Variants in CNTLN observed in about 807,000 individuals in gnomAD.
CNTLN encodes centlein, centrosomal protein.
Under a neutral mutation model 180.0 loss-of-function variants are expected in CNTLN, and 212 were observed. That is an observed-to-expected ratio of 1.18 (90% CI 1.05 to 1.32). The LOEUF is 1.32. CNTLN is among the 40% of genes most tolerant of loss of function. The probability of loss-of-function intolerance (pLI) is 0.00; values close to 1 mark genes in which losing one functional copy is unlikely to be tolerated. For synonymous variants in CNTLN, 722 were observed against 563.1 expected (o/e 1.28, Z -3.99); for missense variants, 2,095 against 1,610.9 (o/e 1.30, Z -5.14).
chr9:17,431,427 G>T (rs1203127433), intron 18 of CNTLN, among the ~76,000 whole-genome samples: 1 of 151,810 alleles, frequency 6.6e-6, no homozygotes, highest in South Asian at 2.1e-4. Flanking sequence ...TGAGTTCTTT[G>T]TATATTATTG....
intron 23 of CNTLN, among the ~76,000 whole-genome samples, chr9:17,481,809 C>A (rs1035544604): frequency 3.9e-5 from 6 of 152,192 alleles, no homozygotes; most frequent in Non-Finnish European, 5.9e-5. Flanking sequence ...CAGAGCCCAA[C>A]CAGTGGCCCC....
At chr9:17,381,613 G>A (rs935077708) in intron 13 of CNTLN, among the ~76,000 whole-genome samples, 4 of 152,148 alleles carry the variant, frequency 2.6e-5, no homozygotes, top group African/African-American at 9.7e-5. Context: ...TATCATAGCA[G>A]CACCCCACTT....
intron 6 of CNTLN, among the ~76,000 whole-genome samples, chr9:17,288,387 T>C (rs1185340782): frequency 3.7e-5 from 5 of 135,460 alleles, no homozygotes; most frequent in Admixed American, 7.4e-5. Flanking sequence ...TTGTTATAAT[T>C]TCTGTTCTTT....
At chr9:17,517,494 A>T in the CNTLN span, among the ~76,000 whole-genome samples, 1 of 152,188 alleles carries the variant, frequency 6.6e-6, no homozygotes, top group African/African-American at 2.4e-5. Flanking sequence ...AAAAGACTGG[A>T]TTAGCATGAG....
chr9:17,440,688 A>G (rs1830059202), intron 18 of CNTLN, among the ~76,000 whole-genome samples: 1 of 152,196 alleles, frequency 6.6e-6, no homozygotes, highest in Non-Finnish European at 1.5e-5. Flanking sequence ...GAAACAACCT[A>G]TGGGTCCATC....
intron 2 of CNTLN, among the ~76,000 whole-genome samples, chr9:17,173,417 C>A (rs1317117613): frequency 6.6e-6 from 1 of 151,918 alleles, no homozygotes. Flanking sequence ...TACCCTGATG[C>A]GTCTTATTTT....
chr9:17,357,753 T>C (rs1822969553), intron 12 of CNTLN, among the ~76,000 whole-genome samples: 1 of 151,440 alleles, frequency 6.6e-6, no homozygotes, highest in African/African-American at 2.4e-5. Flanking sequence ...CACGAACTCA[T>C]TCTATTTGAT....
chr9:17,356,205 G>T (rs1671435671), intron 12 of CNTLN, among the ~76,000 whole-genome samples: 1 of 152,114 alleles, frequency 6.6e-6, no homozygotes, highest in African/African-American at 2.4e-5. Flanking sequence ...ATCAGGATCT[G>T]TTTTAAAGAA....
chr9:17,188,011 CATATAT>C (rs10556334), intron 2 of CNTLN, among the ~76,000 whole-genome samples: 32,461 of 145,672 alleles, frequency 0.22, 4,283 homozygotes, highest in African/African-American at 0.37. Flanking sequence ...ATATATACAC[CATATAT>C]ATATATATAT....
chr9:17,202,315 T>C (rs1237130683), intron 2 of CNTLN, among the ~76,000 whole-genome samples: 2 of 152,136 alleles, frequency 1.3e-5, no homozygotes, highest in African/African-American at 4.8e-5. Flanking sequence ...ATTCTGTTGA[T>C]TTGGGGTGGA....
chr9:17,235,018 C>T (rs1408274576), intron 3 of CNTLN, among the ~76,000 whole-genome samples: 1 of 152,072 alleles, frequency 6.6e-6, no homozygotes, highest in Admixed American at 6.6e-5. Flanking sequence ...GATCAGCAGC[C>T]AAGAGAGGTG....
At chr9:17,399,433 CCTGT>C (rs1826795211) in intron 15 of CNTLN, among the ~76,000 whole-genome samples, 1 of 152,126 alleles carries the variant, frequency 6.6e-6, no homozygotes, top group Non-Finnish European at 1.5e-5. Flanking sequence ...ATGTATTTAG[CCTGT>C]CTGACTTCAT....
chr9:17,439,050 G>A (rs1373278437), intron 18 of CNTLN, among the ~76,000 whole-genome samples: 1 of 152,120 alleles, frequency 6.6e-6, no homozygotes, highest in Non-Finnish European at 1.5e-5. Context: ...TGAGGAATGG[G>A]AACAGAAAGA....
At chr9:17,513,517 G>A in the CNTLN span, among the ~76,000 whole-genome samples, 3 of 152,018 alleles carry the variant, frequency 2.0e-5, no homozygotes, top group African/African-American at 7.2e-5. Context: ...GCAAAATGGC[G>A]AAACCCCTTC....
intron 18 of CNTLN, among the ~76,000 whole-genome samples, chr9:17,436,552 A>C (rs1356355943): frequency 6.6e-6 from 1 of 152,238 alleles, no homozygotes; most frequent in Non-Finnish European, 1.5e-5. Context: ...AACATTGAGC[A>C]TGAAAACTAC....
At chr9:17,409,173 C>T (rs1235520076) in intron 15 of CNTLN, 120 bp from the exon 16 acceptor site, 15 of 826,558 alleles carry the variant, frequency 1.8e-5, no homozygotes, top group South Asian at 5.1e-5. Flanking sequence ...TAAATGCCCA[C>T]GTTAAACTTG....
chr9:17,443,892 T>A (rs992106617), intron 18 of CNTLN, among the ~76,000 whole-genome samples: 1 of 152,046 alleles, frequency 6.6e-6, no homozygotes, highest in Non-Finnish European at 1.5e-5. Context: ...TTGAGTACTT[T>A]AATAAAGAAA....
chr9:17,164,782 T>C (rs1819948421), intron 2 of CNTLN, among the ~76,000 whole-genome samples: 1 of 151,436 alleles, frequency 6.6e-6, no homozygotes. Context: ...CTTTAACCTC[T>C]CTACTAGAAT....
chr9:17,326,672 A>C (rs1353602858), intron 8 of CNTLN, among the ~76,000 whole-genome samples: 1 of 152,188 alleles, frequency 6.6e-6, no homozygotes, highest in South Asian at 2.1e-4. Flanking sequence ...ATCAAACTGA[A>C]TATCAACAGT....
Sources: gnomAD v4.1 joint callset for allele counts (sites outside exome capture counted in the v4.1 genomes callset) on GRCh38, gnomAD v4.1.1 for gene constraint, MANE v1.5 for transcripts, NCBI Gene and HGNC (gene_info 2026-07-23, HGNC 2026-07-21) for gene names.